PPP1R37: variants seen among roughly 807,000 people sequenced by gnomAD.
PPP1R37 encodes leucine rich repeat containing 68.
A neutral mutation model predicts 61.0 loss-of-function variants in PPP1R37; 21 were observed. That is an observed-to-expected ratio of 0.34 (90% CI 0.24 to 0.50). PPP1R37 has a LOEUF of 0.50. Among genes scored for constraint, PPP1R37 ranks in the 20% least tolerant of loss-of-function variants. The probability of loss-of-function intolerance (pLI) is 0.98; values close to 1 mark genes in which losing one functional copy is unlikely to be tolerated. For synonymous variants in PPP1R37, 443 were observed against 433.5 expected (o/e 1.02, Z -0.27); for missense variants, 910 against 952.7 (o/e 0.96, Z 0.59).
At position 45,140,256 on chromosome 19, in the gene PPP1R37, C is replaced by T. The variant is rs1374931498; in HGVS notation, c.321C>T (p.His107=). 2.0e-6 allele frequency: 3 copies of T among 1,536,124 alleles called. No homozygotes were observed. Among genetic ancestry groups the T allele is most frequent in the Non-Finnish European group, 2.6e-6 (3 of 1,146,862 alleles). Residue 107 remains histidine, a synonymous_variant, in exon 3 of 13, where the codon CAC becomes CAT. Coordinates refer to ENST00000221462, the MANE Select transcript of PPP1R37 (RefSeq NM_019121.2). ...RQLQEFTDLG[H]RLDCLDLKGE... ...CTCAGGAATTCACAGACCTCGGGCA[C>T]CGCCTCGACTGTCTGGACCTGAAAG...
In PPP1R37 at chr19:45,123,978, G is replaced by A. The variant is rs376164156; in HGVS notation, c.203-14536G>A. 9.8e-4 allele frequency among the ~76,000 whole-genome samples: 149 copies of A among 152,188 alleles called. No homozygotes were observed. The Middle Eastern group carries it at 0.02, about 21-fold the overall frequency. On this transcript the variant is annotated intron_variant, in intron 1 of 12. Coordinates refer to ENST00000221462, the MANE Select transcript of PPP1R37 (RefSeq NM_019121.2). Reference sequence around the variant, plus strand: ...CCAGATGTGAGCTTCTCCTCTGTCCGCTCACTCACCTTCTCTGTGCCTGTC... The same window carrying A: ...CCAGATGTGAGCTTCTCCTCTGTCCACTCACTCACCTTCTCTGTGCCTGTC...
At chr19:45,141,551 G>T (rs1968612068) in intron 5 of PPP1R37, 110 bp downstream of exon 5, 2 of 1,355,604 alleles carry the variant, frequency 1.5e-6, no homozygotes, top group South Asian at 2.9e-5. Context: ...TTGAGTGTGG[G>T]CTGTTGTGGG....
chr19:45,120,850 G>A (rs1284775875), intron 1 of PPP1R37, among the ~76,000 whole-genome samples: 2 of 152,144 alleles, frequency 1.3e-5, no homozygotes, highest in Non-Finnish European at 2.9e-5. Flanking sequence ...CTGACCTCAG[G>A]TGATCCACCT....
At chr19:45,095,567 A>G (rs530711427) in intron 1 of PPP1R37, among the ~76,000 whole-genome samples, 87 of 150,824 alleles carry the variant, frequency 5.8e-4, no homozygotes, top group Non-Finnish European at 1.0e-3. Context: ...GTTCAAGACC[A>G]GCTTGGGCAA....
Position 45,143,531 on chromosome 19 carries a change from C to T in PPP1R37, c.885C>T (p.Tyr295=). The T allele has an allele frequency of 6.5e-7, 1 of 1,534,482 alleles. No homozygotes were observed. ...NNHVLDSGLA[Y]ICEGLKEQRK... ...GCCGGCCTCCTCCAGGTCTGGCCTA[C>T]ATCTGCGAGGGCCTCAAGGAGCAGA... The change falls in exon 8 of 13, where the codon TAC becomes TAT. Residue 295 remains tyrosine, a synonymous_variant. Transcript: ENST00000221462.
chr19:45,094,040 T>G (rs1242581880), intron 1 of PPP1R37, among the ~76,000 whole-genome samples: 1 of 152,188 alleles, frequency 6.6e-6, no homozygotes, highest in African/African-American at 2.4e-5. Flanking sequence ...AAACTTGGAC[T>G]GTGGCTATAG....
chr19:45,137,606 C>T (rs1032503741), intron 1 of PPP1R37, among the ~76,000 whole-genome samples: 1 of 152,110 alleles, frequency 6.6e-6, no homozygotes, highest in African/African-American at 2.4e-5. Context: ...CTGTGTCCTG[C>T]GTCAAGGGGC....
intron 8 of PPP1R37, 87 bp from the exon 9 acceptor site, chr19:45,144,767 C>G (rs1968662195): frequency 8.3e-6 from 10 of 1,205,296 alleles, no homozygotes; most frequent in African/African-American, 1.6e-5. Flanking sequence ...GGGCCTGGCT[C>G]TCTTCCCGGC....
At position 45,126,378 on chromosome 19, in the gene PPP1R37, C is replaced by T. The variant is rs564477569; in HGVS notation, c.203-12136C>T. ...TCACCAAGCCCTCCCTGGGAAGGTG[C>T]TGTTGATGCAGCAGGGAGGCCCAGG... On this transcript the variant is annotated intron_variant, in intron 1 of 12. Transcript: ENST00000221462. Among the ~76,000 whole-genome samples, 8 of 152,238 alleles carry T rather than the reference C, an allele frequency of 5.3e-5. No individual in the cohort carries two copies. In the South Asian group the frequency reaches 1.7e-3, roughly 32 times the overall value.
chr19:45,111,367 C>T (rs952439991), intron 1 of PPP1R37, among the ~76,000 whole-genome samples: 37 of 152,034 alleles, frequency 2.4e-4, no homozygotes, highest in African/African-American at 8.0e-4. Flanking sequence ...TTCTGCCTCC[C>T]GGGTTCAAGC....
At chr19:45,118,728 C>T (rs1471209514) in intron 1 of PPP1R37, among the ~76,000 whole-genome samples, 1 of 152,168 alleles carries the variant, frequency 6.6e-6, no homozygotes, top group African/African-American at 2.4e-5. Context: ...TCTGGCTGTC[C>T]TGTCCCTCAG....
At chr19:45,110,923 C>T (rs1968191841) in intron 1 of PPP1R37, among the ~76,000 whole-genome samples, 2 of 152,194 alleles carry the variant, frequency 1.3e-5, no homozygotes, top group South Asian at 4.1e-4. Flanking sequence ...CCGAAATAGC[C>T]TGCCTGGTTC....
chr19:45,113,090 A>G (rs1968222160), intron 1 of PPP1R37, among the ~76,000 whole-genome samples: 1 of 152,182 alleles, frequency 6.6e-6, no homozygotes, highest in African/African-American at 2.4e-5. Flanking sequence ...CACCCCTTCC[A>G]TAGTGTGCAG....
rs909261025 is a variant in PPP1R37, at chr19:45,146,400, C to T, written c.2004C>T (p.Cys668=). Residue 668 remains cysteine, a synonymous_variant, in exon 12 of 13, where the codon TGC becomes TGT. Coordinates refer to ENST00000221462, the MANE Select transcript of PPP1R37 (RefSeq NM_019121.2). The part of the protein sequence containing the change: ...GSCGLEHELS[C]SKNEKELEEL... ...CGTCCTCCCACACAGAACTGAGCTG[C>T]TCCAAGAACGAGAAGGAGCTCGAGG... is the stretch of plus-strand genomic sequence containing the variant. 14 of 1,535,870 alleles carry T rather than the reference C, an allele frequency of 9.1e-6. No individual in the cohort carries two copies. The highest frequency in any genetic ancestry group is 1.2e-5 in the Non-Finnish European group (14 of 1,146,786).
In PPP1R37 at chr19:45,140,600, T is replaced by G. The variant is rs1043252300; in HGVS notation, c.441T>G (p.Asp147Glu). 1.7e-5 allele frequency: 26 copies of G among 1,535,544 alleles called. No homozygotes were observed. The highest frequency in any genetic ancestry group is 2.0e-5 in the Non-Finnish European group (23 of 1,146,568). ...KVVDLEQTNL[D>E]EDGASALFDM... ...TGGACCTGGAGCAGACAAACCTGGA[T>G]GAAGATGTGAGCGGCCCTGCCACCG... Residue 147 changes from aspartate to glutamate, a missense_variant, in exon 4 of 13, where the codon GAT (aspartate) becomes GAG (glutamate). Physicochemically the swap from Asp to Glu is conservative, Grantham distance 45. Transcript: ENST00000221462.
intron 1 of PPP1R37, among the ~76,000 whole-genome samples, chr19:45,107,785 G>A (rs968795751): frequency 2.0e-5 from 3 of 152,096 alleles, no homozygotes; most frequent in Admixed American, 1.3e-4. Context: ...CACAGCCACC[G>A]CTAGATAAAA....
At chr19:45,097,908 T>A (rs1207164988) in intron 1 of PPP1R37, among the ~76,000 whole-genome samples, 1 of 152,164 alleles carries the variant, frequency 6.6e-6, no homozygotes, top group African/African-American at 2.4e-5. Context: ...TGTAGCTGAA[T>A]GTCAGGGGCC....
At chr19:45,108,510 AT>A (rs879864517) in intron 1 of PPP1R37, among the ~76,000 whole-genome samples, 5 of 148,222 alleles carry the variant, frequency 3.4e-5, no homozygotes, top group African/African-American at 7.4e-5. Context: ...ACCTGACCAG[AT>A]TTTTTTTTTA....
At chr19:45,129,834 C>T (rs1426673333) in intron 1 of PPP1R37, among the ~76,000 whole-genome samples, 1 of 152,206 alleles carries the variant, frequency 6.6e-6, no homozygotes, top group Non-Finnish European at 1.5e-5. Flanking sequence ...TGGGCTTTAC[C>T]CTTCCCTGCG....
Sources: gnomAD v4.1 joint callset for allele counts (sites outside exome capture counted in the v4.1 genomes callset) on GRCh38, gnomAD v4.1.1 for gene constraint, MANE v1.5 for transcripts, NCBI Gene and HGNC (gene_info 2026-07-23, HGNC 2026-07-21) for gene names.